The following COA1 variants were observed in gnomAD, a reference collection of about 807,000 sequenced individuals.
COA1 encodes the protein cytochrome c oxidase assembly factor 1, also known as cytochrome c oxidase assembly factor 1 homolog.
COA1 carries 13 observed loss-of-function variants against 16.0 expected under a neutral mutation model. The ratio of observed to expected loss-of-function variants is 0.81; its 90% confidence interval spans 0.53 to 1.29. The LOEUF (loss-of-function observed/expected upper bound fraction) is 1.29. Among genes scored for constraint, COA1 ranks in the 50% most tolerant of loss-of-function variants. The pLI is 0.00. For missense variants in COA1, 179 were observed against 177.0 expected, an observed-to-expected ratio of 1.01 and a Z score of -0.06; for synonymous variants, 65 against 65.7, an observed-to-expected ratio of 0.99 and a Z score of 0.05.
chr7:43,656,504 T>C (rs1308875891), intron 1 of COA1, among the ~76,000 whole-genome samples: 1 of 151,812 alleles, frequency 6.6e-6, no homozygotes, highest in African/African-American at 2.4e-5. Flanking sequence ...GAGACCATCC[T>C]GGCCAACATG....
chr7:43,657,461 C>G (rs931941818), intron 1 of COA1, among the ~76,000 whole-genome samples: 5 of 152,130 alleles, frequency 3.3e-5, no homozygotes, highest in African/African-American at 1.2e-4. Flanking sequence ...CAGTTTGATG[C>G]CATTTTCAAT....
chr7:43,630,993 G>A (rs1043258210), intron 6 of COA1, among the ~76,000 whole-genome samples: 1 of 152,196 alleles, frequency 6.6e-6, no homozygotes, highest in Non-Finnish European at 1.5e-5. Flanking sequence ...ACTCAAGGAG[G>A]AAAGTCTATT....
chr7:43,639,440 G>A lies in COA1; in HGVS notation c.*142C>T. ...AATTACACCAAAATTACCATGTGCT[G>A]GCACATACCATCATCCCACTGGTGG... On this transcript the variant is annotated 3_prime_UTR_variant, in exon 6 of 6. Coordinates refer to ENST00000223336, the MANE Select transcript of COA1 (RefSeq NM_018224.4). The A allele has an allele frequency of 9.2e-6, 6 of 650,084 alleles. No individual in the cohort carries two copies. The highest frequency in any genetic ancestry group is 2.6e-5 in the East Asian group (1 of 38,530). 40.3% of individuals were successfully genotyped at this position (650,084 alleles called of 1,614,324 possible). A position where few individuals can be genotyped will look rare whatever the true frequency, so the allele number is the denominator to read the frequency against.
intron 1 of COA1, among the ~76,000 whole-genome samples, chr7:43,709,358 A>G (rs563998522): frequency 1.3e-5 from 2 of 151,800 alleles, no homozygotes; most frequent in South Asian, 4.2e-4. Context: ...TTTGCCTTTC[A>G]CAGGTAGATC....
At chr7:43,653,081 G>T (rs530928903) in intron 1 of COA1, among the ~76,000 whole-genome samples, 1 of 152,178 alleles carries the variant, frequency 6.6e-6, no homozygotes, top group Non-Finnish European at 1.5e-5. Flanking sequence ...GGGAGGCCGA[G>T]GCGGGTGGAT....
At chr7:43,630,346 AT>A (rs2085050695) in intron 6 of COA1, among the ~76,000 whole-genome samples, 1 of 152,150 alleles carries the variant, frequency 6.6e-6, no homozygotes, top group Non-Finnish European at 1.5e-5. Context: ...TTTACTAAAA[AT>A]AAAACTATTT....
intron 1 of COA1, chr7:43,648,870 G>A (rs913629003): frequency 6.2e-6 from 3 of 483,496 alleles, no homozygotes; most frequent in Non-Finnish European, 1.1e-5. Context: ...TTTCCTGTCT[G>A]TGTCCTATGT....
intron 4 of COA1, chr7:43,641,297 C>T (rs1357544294): frequency 9.5e-6 from 1 of 105,034 alleles, no homozygotes; most frequent in Non-Finnish European, 1.8e-5. Flanking sequence ...GTGCCTTTCA[C>T]AGAATGTAAA....
chr7:43,618,548 AC>A (rs1239110578), intron 6 of COA1, among the ~76,000 whole-genome samples: 2 of 152,166 alleles, frequency 1.3e-5, no homozygotes, highest in African/African-American at 4.8e-5. Flanking sequence ...TTCTCAGCTT[AC>A]CTTTGGAAAT....
At chr7:43,664,873 A>C (rs1476056708) in intron 1 of COA1, among the ~76,000 whole-genome samples, 1 of 152,188 alleles carries the variant, frequency 6.6e-6, no homozygotes, top group African/African-American at 2.4e-5. Context: ...GTTTAAATCA[A>C]CTGACATTTA....
At chr7:43,693,389 T>C (rs927977699) in intron 1 of COA1, among the ~76,000 whole-genome samples, 13 of 152,164 alleles carry the variant, frequency 8.5e-5, no homozygotes, top group Non-Finnish European at 1.6e-4. Flanking sequence ...CTGATTTTAA[T>C]ATCTGTAGAG....
intron 6 of COA1, chr7:43,619,837 A>G (rs2083696120): frequency 2.3e-6 from 3 of 1,324,836 alleles, no homozygotes; most frequent in Admixed American, 4.7e-5. Flanking sequence ...TTGAAATTCT[A>G]CCATCAGAGA....
intron 1 of COA1, among the ~76,000 whole-genome samples, chr7:43,691,250 A>AG (rs1343130648): frequency 0.016 from 916 of 58,806 alleles, 110 homozygotes; most frequent in African/African-American, 0.084. Context: ...CCTTGACTCA[A>AG]AAAAAGAAAG....
At chr7:43,727,666 T>C (rs1358188975) in intron 1 of COA1, among the ~76,000 whole-genome samples, 2 of 152,178 alleles carry the variant, frequency 1.3e-5, no homozygotes, top group African/African-American at 4.8e-5. Context: ...AAATATACAG[T>C]CAGTCAATTC....
At chr7:43,699,073 G>A (rs1007205112) in intron 1 of COA1, among the ~76,000 whole-genome samples, 14 of 152,186 alleles carry the variant, frequency 9.2e-5, no homozygotes, top group Non-Finnish European at 2.1e-4. Flanking sequence ...AACAGCGTGG[G>A]TTAGGAAAGC....
At chr7:43,706,736 G>A (rs1205399773) in intron 1 of COA1, among the ~76,000 whole-genome samples, 1 of 151,618 alleles carries the variant, frequency 6.6e-6, no homozygotes, top group Non-Finnish European at 1.5e-5. Flanking sequence ...TGGGCATGGT[G>A]GTGCATGCCT....
At chr7:43,642,626 TGAA>T (rs2087483292) in intron 4 of COA1, among the ~76,000 whole-genome samples, 1 of 152,172 alleles carries the variant, frequency 6.6e-6, no homozygotes, top group Non-Finnish European at 1.5e-5. Flanking sequence ...AGAAGGATTC[TGAA>T]GAAGAGCAAA....
At chr7:43,639,703 G>GT in intron 5 of COA1, 22 bp from the exon 6 acceptor site, 1 of 1,585,428 alleles carries the variant, frequency 6.3e-7, no homozygotes, top group Non-Finnish European at 8.7e-7. Flanking sequence ...CAAAAGTATA[G>GT]TATCTCTAAT....
At chr7:43,697,758 A>G (rs1033060414) in intron 1 of COA1, among the ~76,000 whole-genome samples, 9 of 152,174 alleles carry the variant, frequency 5.9e-5, no homozygotes, top group African/African-American at 1.9e-4. Context: ...TTTTCCTTAA[A>G]AAGTCCTTCC....
Sources: gnomAD v4.1 joint callset for allele counts (sites outside exome capture counted in the v4.1 genomes callset) on GRCh38, gnomAD v4.1.1 for gene constraint, MANE v1.5 for transcripts, NCBI Gene and HGNC (gene_info 2026-07-23, HGNC 2026-07-21) for gene names.